Variants in HDLBP observed in about 807,000 individuals in gnomAD.
The protein encoded by HDLBP is high density lipoprotein binding protein.
HDLBP carries 30 observed loss-of-function variants against 137.3 expected under a neutral mutation model. The ratio of observed to expected loss-of-function variants is 0.22; its 90% CI spans 0.16 to 0.30. HDLBP has a LOEUF of 0.30. Ranked by LOEUF, HDLBP falls within the 10% of genes least tolerant of loss-of-function variation. The pLI is 1.00. For synonymous variants in HDLBP, 606 were observed against 596.0 expected, an observed-to-expected ratio of 1.02 and a Z score of -0.24; for missense variants, 1,119 against 1,667.3, an observed-to-expected ratio of 0.67 and a Z score of 5.73.
At chr2:241,309,556 A>G (rs969535990) in intron 1 of HDLBP, among the ~76,000 whole-genome samples, 5 of 152,240 alleles carry the variant, frequency 3.3e-5, no homozygotes, top group Non-Finnish European at 1.5e-5. Flanking sequence ...CCAACTGGCA[A>G]TATGACTGGA....
chr2:241,230,778 T>C lies in HDLBP; in HGVS notation c.3455A>G (p.Lys1152Arg). The stretch of plus-strand genomic sequence containing the variant: ...GCTCACCTTGAATTCGTCCATGATT[T>C]TGCGAATGGCTTTGCCGCGGGCACC... ...IIGARGKAIRKIMDEFKVDIR... is the reference protein window; with the variant it reads ...IIGARGKAIRRIMDEFKVDIR... Residue 1152 changes from lysine (K) to arginine (R), a missense_variant, in exon 25 of 28, where the codon AAA becomes AGA. Physicochemically the swap from Lys to Arg is conservative, Grantham distance 26. This residue lies in a region of HDLBP where 618 missense variants were observed against 816.7 expected (regional missense o/e 0.76). Coordinates refer to ENST00000310931, the MANE Select transcript of HDLBP (RefSeq NM_005336.6). This position sits in a 1 kb window ranked among gnomAD's most constrained non-coding sequence, Gnocchi z 5.0. 3.7e-6 allele frequency: 6 copies of C among 1,614,172 alleles called. No individual in the cohort carries two copies. The highest frequency in any genetic ancestry group is 4.2e-6 in the Non-Finnish European group (5 of 1,179,974).
intron 3 of HDLBP, among the ~76,000 whole-genome samples, chr2:241,265,177 G>C (rs2073557586): frequency 1.3e-5 from 2 of 152,222 alleles, no homozygotes; most frequent in Non-Finnish European, 2.9e-5. Flanking sequence ...CCAGCACTTT[G>C]GGAGGCCGAG....
Position 241,230,625 on chromosome 2 carries a change from A to G in HDLBP, c.3474+134T>C, listed in dbSNP as rs2069626822. The G allele has an allele frequency of 1.3e-6, 1 of 764,848 alleles. No individual in the cohort carries two copies. The highest frequency in any genetic ancestry group is 2.3e-5 in the Admixed American group (1 of 42,692). 47.4% of individuals were successfully genotyped at this position (764,848 alleles called of 1,614,324 possible). ...GCACTGACCCGTGGTGTCCATGAGG[A>G]CAGTTCCACTGCCAGCCCTGGGGTT... On this transcript the variant is annotated intron_variant, in intron 25 of 27. Transcript: ENST00000310931. The surrounding 1 kb of genome is among the most constrained non-coding windows in gnomAD (Gnocchi z 5.0).
At chr2:241,267,671 T>A in intron 2 of HDLBP, 1 of 1,535,570 alleles carries the variant, frequency 6.5e-7, no homozygotes, top group Non-Finnish European at 8.7e-7. Flanking sequence ...CTAAACCACC[T>A]CCAAATCTCG....
chr2:241,292,204 A>G (rs1482669570), intron 1 of HDLBP, among the ~76,000 whole-genome samples: 1 of 145,628 alleles, frequency 6.9e-6, no homozygotes, highest in African/African-American at 2.5e-5. Context: ...CCCCAACAAC[A>G]AACAGCCTGA....
chr2:241,302,490 T>C (rs959349764), intron 1 of HDLBP: 2 of 152,116 alleles, frequency 1.3e-5, no homozygotes, highest in Non-Finnish European at 2.9e-5. Flanking sequence ...CTGCAATGAG[T>C]TGTGATCACA....
intron 5 of HDLBP, among the ~76,000 whole-genome samples, chr2:241,261,553 T>C (rs1440523597): frequency 6.6e-6 from 1 of 152,194 alleles, no homozygotes; most frequent in African/African-American, 2.4e-5. Context: ...CTGATCCATA[T>C]ATTCAGTGAA....
chr2:241,254,434 G>A, intron 9 of HDLBP, among the ~76,000 whole-genome samples: 1 of 151,826 alleles, frequency 6.6e-6, no homozygotes, highest in Non-Finnish European at 1.5e-5. Context: ...AACTGAGAAC[G>A]CTTTAAATTC....
intron 1 of HDLBP, among the ~76,000 whole-genome samples, chr2:241,313,990 A>G (rs979446860): frequency 4.6e-5 from 7 of 152,212 alleles, no homozygotes; most frequent in African/African-American, 1.7e-4. Flanking sequence ...CAGTAACAGG[A>G]AAGTTTAATC....
Position 241,272,679 on chromosome 2 carries a change from A to ACCCCCCC in HDLBP, c.-102-4139_-102-4138insGGGGGGG. The ACCCCCCC allele has an allele frequency of 1.6e-6, 1 of 644,234 alleles. No homozygotes were observed. The highest frequency in any genetic ancestry group is 1.7e-6 in the Non-Finnish European group (1 of 574,926). 39.9% of individuals were successfully genotyped at this position (644,234 alleles called of 1,614,324 possible). A position where few individuals can be genotyped will look rare whatever the true frequency, so the allele number is the denominator to read the frequency against. ...CTCCGCGGCCTCCACGTCAGCAGCC[A>ACCCCCCC]CCCCCCACCCCCCCGCCCGGCAGCC... On this transcript the variant is annotated intron_variant, in intron 1 of 27. Transcript: ENST00000310931. The surrounding 1 kb of genome is among the most constrained non-coding windows in gnomAD (Gnocchi z 5.6).
intron 1 of HDLBP, among the ~76,000 whole-genome samples, chr2:241,300,982 A>ATTATTG (rs1553659892): frequency 1.9e-5 from 2 of 107,788 alleles, no homozygotes; most frequent in Admixed American, 8.8e-5. Context: ...TATTATTATT[A>ATTATTG]TTATTATTAT....
intron 5 of HDLBP, among the ~76,000 whole-genome samples, chr2:241,258,986 C>T (rs1341488425): frequency 6.6e-6 from 1 of 152,170 alleles, no homozygotes; most frequent in East Asian, 1.9e-4. Flanking sequence ...TCCCAAGATA[C>T]ACTGGGTAAA....
intron 14 of HDLBP, among the ~76,000 whole-genome samples, chr2:241,247,739 G>C (rs1168824451): frequency 6.6e-6 from 1 of 152,186 alleles, no homozygotes; most frequent in Non-Finnish European, 1.5e-5. Context: ...AGGAAACAAG[G>C]TAACTGGGCA....
chr2:241,309,116 G>A (rs1487640107), intron 1 of HDLBP, among the ~76,000 whole-genome samples: 1 of 152,076 alleles, frequency 6.6e-6, no homozygotes, highest in Non-Finnish European at 1.5e-5. Context: ...ATCAACTGTC[G>A]CTCAATCAGC....
chr2:241,301,000 C>T (rs982887185), intron 1 of HDLBP, among the ~76,000 whole-genome samples: 3 of 147,598 alleles, frequency 2.0e-5, no homozygotes, highest in African/African-American at 7.5e-5. Flanking sequence ...TATTTTGAGA[C>T]GAGTCTCACT....
chr2:241,304,648 C>A (rs2075509684), intron 1 of HDLBP, among the ~76,000 whole-genome samples: 1 of 152,186 alleles, frequency 6.6e-6, no homozygotes, highest in African/African-American at 2.4e-5. Context: ...GAAAGATATT[C>A]AAAATCCCAA....
chr2:241,293,586 TG>T (rs1393639327), intron 1 of HDLBP, among the ~76,000 whole-genome samples: 1 of 149,754 alleles, frequency 6.7e-6, no homozygotes, highest in African/African-American at 2.5e-5. Context: ...AACTCCAGCC[TG>T]GGTGACAGAG....
At chr2:241,306,889 T>TAAAAAAAAA (rs759322405) in intron 1 of HDLBP, among the ~76,000 whole-genome samples, 1 of 68,888 alleles carries the variant, frequency 1.5e-5, no homozygotes. Context: ...CTCAATAAAT[T>TAAAAAAAAA]AAAAAAAAAA....
At chr2:241,237,729 G>A (rs3841903) in intron 20 of HDLBP, among the ~76,000 whole-genome samples, 1 of 51,024 alleles carries the variant, frequency 2.0e-5, no homozygotes, top group Non-Finnish European at 4.0e-5. Flanking sequence ...GAAAAAAAAC[G>A]TGTGTAAAAG....
Sources: gnomAD v4.1 joint callset for allele counts (sites outside exome capture counted in the v4.1 genomes callset) on GRCh38, gnomAD v4.1.1 for gene constraint, gnomAD v4.1.1 regional missense constraint, Gnocchi (gnomAD v3.1) non-coding constraint, MANE v1.5 for transcripts, NCBI Gene and HGNC (gene_info 2026-07-23, HGNC 2026-07-21) for gene names.